TRIM25: variants seen among roughly 807,000 people sequenced by gnomAD.
TRIM25 encodes E3 ubiquitin/ISG15 ligase TRIM25.
Under a neutral mutation model 65.2 loss-of-function variants are expected in TRIM25, and 45 were observed. The ratio of observed to expected loss-of-function variants is 0.69; its 90% CI spans 0.54 to 0.89. TRIM25 has a LOEUF of 0.89. Among genes scored for constraint, TRIM25 ranks in the 40% least tolerant of loss-of-function variants. The probability of loss-of-function intolerance (pLI) is 0.00; values close to 1 mark genes in which losing one functional copy is unlikely to be tolerated. For synonymous variants in TRIM25, 321 were observed against 340.4 expected, an observed-to-expected ratio of 0.94 and a Z score of 0.63; for missense variants, 714 against 803.7, an observed-to-expected ratio of 0.89 and a Z score of 1.35.
Position 56,913,319 on chromosome 17 carries a change from G to GTT in TRIM25, c.597+72_597+73insAA. The stretch of plus-strand genomic sequence containing the variant: ...CCCAGGGCGTCCAGAGTGTGGCAGA[G>GTT]AGGCCCCCGGTGGCCCCTCTGCACC... On this transcript the variant is annotated intron_variant, in intron 1 of 8. Coordinates refer to ENST00000316881, the MANE Select transcript of TRIM25 (RefSeq NM_005082.5). The surrounding 1 kb of genome is among the most constrained non-coding windows in gnomAD (Gnocchi z 6.1). 1 of 1,403,582 alleles carries GTT rather than the reference G, an allele frequency of 7.1e-7. No homozygotes were observed. Among genetic ancestry groups the GTT allele is most frequent in the Non-Finnish European group, 9.5e-7 (1 of 1,047,866 alleles). 86.9% of individuals were successfully genotyped at this position (1,403,582 alleles called of 1,614,324 possible). A position where few individuals can be genotyped will look rare whatever the true frequency, so the allele number is the denominator to read the frequency against.
chr17:56,889,925 C>A lies in TRIM25; in HGVS notation c.*1775G>T, dbSNP rs1029559240. On this transcript the variant is annotated 3_prime_UTR_variant, in exon 9 of 9. Transcript: ENST00000316881. The stretch of plus-strand genomic sequence containing the variant: ...ACCTATTGCAGGGATGTCTTTCCTA[C>A]AAAGATTATTGCTCTCCCGAGGAAC... 5.0e-6 allele frequency: 2 copies of A among 398,606 alleles called. No homozygotes were observed. The highest frequency in any genetic ancestry group is 4.1e-5 in the African/African-American group (2 of 48,620). The allele number at this position is 398,606 out of a possible 1,614,324, so 24.7% of individuals were successfully genotyped here.
rs1909113433 is a variant in TRIM25 at position 56,888,991 on chromosome 17, A to G, written c.*2709T>C. The stretch of plus-strand genomic sequence containing the variant: ...GCCAGCCCTGGCCTTGTCTACAGCC[A>G]TGATTATCTCCTTAAAGAGTTAACT... On this transcript the variant is annotated 3_prime_UTR_variant, in exon 9 of 9. Transcript: ENST00000316881. The G allele has an allele frequency of 6.6e-6, 1 of 152,260 alleles. No individual in the cohort carries two copies. Among genetic ancestry groups the G allele is most frequent in the African/African-American group, 2.4e-5 (1 of 41,468 alleles). 9.4% of individuals were successfully genotyped at this position (152,260 alleles called of 1,614,324 possible).
intron 3 of TRIM25, among the ~76,000 whole-genome samples, chr17:56,902,631 T>C (rs1234725561): frequency 6.6e-6 from 1 of 151,960 alleles, no homozygotes; most frequent in South Asian, 2.1e-4. Flanking sequence ...ATGGATGATA[T>C]GAGATGAGAC....
intron 8 of TRIM25, among the ~76,000 whole-genome samples, chr17:56,894,928 C>A (rs1909255610): frequency 6.6e-6 from 1 of 152,132 alleles, no homozygotes; most frequent in African/African-American, 2.4e-5. Context: ...AAGGATGGAG[C>A]TATGGCCAGT....
At chr17:56,900,416 T>A (rs1909387906) in intron 4 of TRIM25, among the ~76,000 whole-genome samples, 1 of 151,956 alleles carries the variant, frequency 6.6e-6, no homozygotes, top group Non-Finnish European at 1.5e-5. Context: ...GCCCCTGACC[T>A]CACAGAGATC....
Position 56,909,475 on chromosome 17 carries a change from A to G in TRIM25, c.598-912T>C, listed in dbSNP as rs551962200. Among the ~76,000 whole-genome samples the G allele has an allele frequency of 5.3e-5, 8 of 152,244 alleles. No individual in the cohort carries two copies. In the East Asian group the frequency reaches 1.4e-3, roughly 26 times the overall value. On this transcript the variant is annotated intron_variant, in intron 1 of 8. Transcript: ENST00000316881. ...CCAGGCAGGTGGATCATTTGCTCTC[A>G]GGAGTTCGAGACCAGCTTGGGCAAC...
At position 56,896,322 on chromosome 17, in the gene TRIM25, A is replaced by G. The variant is rs115137954; in HGVS notation, c.1154-370T>C. Among the ~76,000 whole-genome samples, 912 of 145,320 alleles carry G rather than the reference A, an allele frequency of 6.3e-3. 10 individuals are homozygous for G. Among genetic ancestry groups the G allele is most frequent in the African/African-American group, 0.022 (870 of 38,940 alleles). ...TAAATTATATTTCCATAAAGGAAAA[A>G]ACACAAAAACCAAATAGGGAATCAG... On this transcript the variant is annotated intron_variant, in intron 5 of 8. Transcript: ENST00000316881.
At chr17:56,892,441 C>T (rs1373484570) in intron 8 of TRIM25, among the ~76,000 whole-genome samples, 1 of 152,164 alleles carries the variant, frequency 6.6e-6, no homozygotes, top group African/African-American at 2.4e-5. Context: ...ATGTATCCAT[C>T]CATCCATCTA....
At position 56,892,288 on chromosome 17, in the gene TRIM25, C is replaced by T. The variant is rs572537877; in HGVS notation, c.1364-59G>A. ...AGGGGCCCAAAGTGCTCTTTTAGAC[C>T]TTTGCCAAAGTGGTACTATTTATTC... On this transcript the variant is annotated intron_variant, in intron 8 of 8. Transcript: ENST00000316881. The T allele has an allele frequency of 7.9e-6, 12 of 1,518,170 alleles. No individual in the cohort carries two copies. In the Admixed American group the frequency reaches 2.5e-4, roughly 32 times the overall value. 94.0% of individuals were successfully genotyped at this position (1,518,170 alleles called of 1,614,324 possible).
At chr17:56,908,671 C>T in intron 1 of TRIM25, 108 bp from the exon 2 acceptor site, 1 of 1,156,000 alleles carries the variant, frequency 8.7e-7, no homozygotes. Flanking sequence ...TTCCACTCCA[C>T]CCAAGTCTTG....
In TRIM25 at chr17:56,899,312, C is replaced by T. The variant is rs551148519; in HGVS notation, c.1088-132G>A. On this transcript the variant is annotated intron_variant, in intron 4 of 8. Transcript: ENST00000316881. ...TTTCCTCCGACCTTCCCCATCCCATCGCTTACAAGAGCTACAAACAAGGTG... is the reference window on the plus strand; with the variant it reads ...TTTCCTCCGACCTTCCCCATCCCATTGCTTACAAGAGCTACAAACAAGGTG... The T allele has an allele frequency of 4.7e-5, 38 of 802,888 alleles. 1 individual carries two copies. Among genetic ancestry groups the T allele is most frequent in the East Asian group, 3.8e-4 (14 of 36,600 alleles). The allele number at this position is 802,888 out of a possible 1,614,324, so 49.7% of individuals were successfully genotyped here.
rs761964197 is a variant in TRIM25 at position 56,894,260 on chromosome 17, G to GT, written c.1363+1082dup. ...TTTGGGGTTTTTTGTTTGTTTGTTTGTTTTTTAAGACAGAGTCTCGCTCTG... is the reference window on the plus strand; with the variant it reads ...TTTGGGGTTTTTTGTTTGTTTGTTTGTTTTTTTAAGACAGAGTCTCGCTCTG... On this transcript the variant is annotated intron_variant, in intron 8 of 8. Coordinates refer to ENST00000316881, the MANE Select transcript of TRIM25 (RefSeq NM_005082.5). Among the ~76,000 whole-genome samples, 8 of 152,274 alleles carry GT rather than the reference G, an allele frequency of 5.3e-5. 1 individual carries two copies.
chr17:56,909,458 G>A (rs1909584604), intron 1 of TRIM25, among the ~76,000 whole-genome samples: 1 of 152,158 alleles, frequency 6.6e-6, no homozygotes, highest in African/African-American at 2.4e-5. Flanking sequence ...GCCCAGGCAG[G>A]TGGATCATTT....
At chr17:56,896,932 C>T (rs1250284998) in intron 5 of TRIM25, among the ~76,000 whole-genome samples, 1 of 151,472 alleles carries the variant, frequency 6.6e-6, no homozygotes, top group Admixed American at 6.6e-5. Context: ...TATCAATATC[C>T]TGTCTCTACA....
In TRIM25 at chr17:56,913,119, G is replaced by A. The variant is rs1205041865; in HGVS notation, c.597+273C>T. ...TCCGCCACTGCACTCCAGCTTGGGT[G>A]AGAGGGACGAGACCCTGTCTCAAAA... On this transcript the variant is annotated intron_variant, in intron 1 of 8. Transcript: ENST00000316881. The surrounding 1 kb of genome is among the most constrained non-coding windows in gnomAD (Gnocchi z 6.1). The A allele has an allele frequency of 2.0e-5, 6 of 302,044 alleles. No homozygotes were observed. Among genetic ancestry groups the A allele is most frequent in the Middle Eastern group, 8.7e-4 (1 of 1,148 alleles). 18.7% of individuals were successfully genotyped at this position (302,044 alleles called of 1,614,324 possible).
rs2144366562 is a variant in TRIM25 at position 56,913,073 on chromosome 17, G to A, written c.597+319C>T. 4.5e-6 allele frequency: 1 copy of A among 220,800 alleles called. No homozygotes were observed. Among genetic ancestry groups the A allele is most frequent in the East Asian group, 9.5e-5 (1 of 10,486 alleles). 13.7% of individuals were successfully genotyped at this position (220,800 alleles called of 1,614,324 possible). A position where few individuals can be genotyped will look rare whatever the true frequency, so the allele number is the denominator to read the frequency against. On this transcript the variant is annotated intron_variant, in intron 1 of 8. Coordinates refer to ENST00000316881, the MANE Select transcript of TRIM25 (RefSeq NM_005082.5). This position sits in a 1 kb window ranked among gnomAD's most constrained non-coding sequence, Gnocchi z 6.1. ...GAGGATCCCTTAAGCCCGGGAAGTCGAGGCTGCAGTGAGCTGTGATTCCGC... is the reference window on the plus strand; with the variant it reads ...GAGGATCCCTTAAGCCCGGGAAGTCAAGGCTGCAGTGAGCTGTGATTCCGC...
At chr17:56,908,627 C>T in intron 1 of TRIM25, 64 bp from the exon 2 acceptor site, 1 of 1,500,198 alleles carries the variant, frequency 6.7e-7, no homozygotes, top group Non-Finnish European at 9.2e-7. Context: ...AGAAGCCATC[C>T]CTGGAACTAT....
intron 3 of TRIM25, among the ~76,000 whole-genome samples, chr17:56,902,141 G>A (rs1416363861): frequency 6.6e-6 from 1 of 152,196 alleles, no homozygotes; most frequent in South Asian, 2.1e-4. Context: ...CGGGGCAGCT[G>A]CTCCAACAGA....
intron 1 of TRIM25, among the ~76,000 whole-genome samples, chr17:56,909,410 C>T (rs923607049): frequency 6.6e-6 from 1 of 152,084 alleles, no homozygotes; most frequent in Admixed American, 6.6e-5. Flanking sequence ...GCCAGCCAGG[C>T]GCAGTGGCTC....
Sources: allele counts gnomAD v4.1 joint callset (sites outside exome capture counted in the v4.1 genomes callset), GRCh38; gene constraint gnomAD v4.1.1; non-coding constraint Gnocchi (gnomAD v3.1); transcripts MANE v1.5; gene names NCBI Gene and HGNC (gene_info 2026-07-23, HGNC 2026-07-21).